The following PLCL1 variants were observed in gnomAD, a reference collection of about 807,000 sequenced individuals.
The protein encoded by PLCL1 is phospholipase C like 1 (inactive), also known as inactive phospholipase C-like protein 1.
In PLCL1, 41 loss-of-function variants were observed where a neutral mutation model predicts 84.4. The ratio of observed to expected loss-of-function variants is 0.49; its 90% CI spans 0.38 to 0.63. PLCL1 has a LOEUF of 0.63. Ranked by LOEUF, PLCL1 falls within the 30% of genes least tolerant of loss-of-function variation. PLCL1 has a pLI of 0.00. For missense variants in PLCL1, 1,206 were observed against 1,367.8 expected (o/e 0.88, Z 1.87); for synonymous variants, 490 against 488.3 (o/e 1.00, Z -0.05).
chr2:197,918,804 G>A (rs1429307026), intron 1 of PLCL1, among the ~76,000 whole-genome samples: 1 of 152,088 alleles, frequency 6.6e-6, no homozygotes, highest in Non-Finnish European at 1.5e-5. Context: ...ACCAGGTGAG[G>A]TAGCATGCAC....
At chr2:197,844,909 T>G (rs1320662038) in intron 1 of PLCL1, among the ~76,000 whole-genome samples, 2 of 152,116 alleles carry the variant, frequency 1.3e-5, no homozygotes, top group African/African-American at 2.4e-5. Flanking sequence ...GATGGTTTAT[T>G]CAGAAGAAGG....
intron 1 of PLCL1, 144 bp from the exon 2 acceptor site, chr2:198,083,614 A>C (rs1692776940): frequency 1.7e-6 from 1 of 574,376 alleles, no homozygotes; most frequent in East Asian, 3.0e-5. Context: ...CTCTTTTCTG[A>C]AACAGTGAAA....
At chr2:197,958,851 T>C (rs1182379813) in intron 1 of PLCL1, among the ~76,000 whole-genome samples, 1 of 152,032 alleles carries the variant, frequency 6.6e-6, no homozygotes, top group Non-Finnish European at 1.5e-5. Flanking sequence ...ATCTAGTAAG[T>C]GGTAGAGTTG....
intron 5 of PLCL1, among the ~76,000 whole-genome samples, chr2:198,108,765 A>T (rs1442399709): frequency 2.0e-5 from 3 of 151,964 alleles, no homozygotes; most frequent in Non-Finnish European, 4.4e-5. Flanking sequence ...TTTTTCTTTA[A>T]TTCATATTCT....
In PLCL1 at chr2:197,864,499, A is replaced by G. The variant is rs1687492425; in HGVS notation, c.240+59160A>G. ...AATAGCATTCTTTTTTTTTTTTTTTAACACAGGATCTCACTTTGTCACCTG... is the reference window on the plus strand; with the variant it reads ...AATAGCATTCTTTTTTTTTTTTTTTGACACAGGATCTCACTTTGTCACCTG... On this transcript the variant is annotated intron_variant, in intron 1 of 5. Coordinates refer to ENST00000428675, the MANE Select transcript of PLCL1 (RefSeq NM_006226.4). 2.7e-5 allele frequency among the ~76,000 whole-genome samples: 4 copies of G among 146,700 alleles called. No homozygotes were observed. In the South Asian group the frequency reaches 8.6e-4, roughly 32 times the overall value.
At chr2:198,055,293 G>GCC in intron 1 of PLCL1, among the ~76,000 whole-genome samples, 1 of 109,498 alleles carries the variant, frequency 9.1e-6, no homozygotes, top group Non-Finnish European at 1.8e-5. Flanking sequence ...GCTGGTCAAA[G>GCC]CCTCTCTCTC....
chr2:197,999,395 T>G (rs550945672), intron 1 of PLCL1, among the ~76,000 whole-genome samples: 1 of 152,322 alleles, frequency 6.6e-6, no homozygotes, highest in African/African-American at 2.4e-5. Context: ...TTAGAACATT[T>G]TTACTACATT....
At chr2:197,868,541 C>G (rs1226213450) in intron 1 of PLCL1, among the ~76,000 whole-genome samples, 4 of 152,060 alleles carry the variant, frequency 2.6e-5, no homozygotes, top group Non-Finnish European at 5.9e-5. Flanking sequence ...TGCTTTCTTA[C>G]CCAGGCTGGA....
At chr2:197,960,990 A>G (rs560650901) in intron 1 of PLCL1, among the ~76,000 whole-genome samples, 2 of 152,190 alleles carry the variant, frequency 1.3e-5, no homozygotes, top group Non-Finnish European at 2.9e-5. Flanking sequence ...AATTTTAGAA[A>G]TGTTCTGGAA....
At chr2:197,958,435 A>G (rs577452893) in intron 1 of PLCL1, among the ~76,000 whole-genome samples, 1 of 152,194 alleles carries the variant, frequency 6.6e-6, no homozygotes, top group East Asian at 1.9e-4. Context: ...GCCGCATTCA[A>G]AGCTGTCCTG....
chr2:197,903,468 A>ATTTTTTTTTTTTTTTTT lies in PLCL1; in HGVS notation c.240+98146_240+98162dup, dbSNP rs3056105. ...GTATCTTCCTTTTTACTCCATTTAA[A>ATTTTTTTTTTTTTTTTT]TTTTTTTTTTTTTTTTTTTTTTTTT... is the stretch of plus-strand genomic sequence containing the variant. On this transcript the variant is annotated intron_variant, in intron 1 of 5. Coordinates refer to ENST00000428675, the MANE Select transcript of PLCL1 (RefSeq NM_006226.4). 3.1e-4 allele frequency among the ~76,000 whole-genome samples: 15 copies of ATTTTTTTTTTTTTTTTT among 47,796 alleles called. 3 individuals carry two copies. Among genetic ancestry groups the ATTTTTTTTTTTTTTTTT allele is most frequent in the East Asian group, 1.7e-3 (2 of 1,212 alleles). 31.4% of individuals were successfully genotyped at this position (47,796 alleles called of 152,430 possible).
rs1057166491 is a variant in PLCL1, at chr2:197,890,712, A to C, written c.240+85373A>C. On this transcript the variant is annotated intron_variant, in intron 1 of 5. Coordinates refer to ENST00000428675, the MANE Select transcript of PLCL1 (RefSeq NM_006226.4). ...TATATATATATATATACACACACAC[A>C]TATACGTATATATGCATATGTACGT... Among the ~76,000 whole-genome samples the C allele has an allele frequency of 6.2e-4, 90 of 145,936 alleles. 1 individual carries two copies. The highest frequency in any genetic ancestry group is 2.1e-3 in the African/African-American group (85 of 39,556).
intron 1 of PLCL1, among the ~76,000 whole-genome samples, chr2:197,903,720 G>T (rs1244919604): frequency 7.3e-6 from 1 of 136,390 alleles, no homozygotes; most frequent in Non-Finnish European, 1.5e-5. Flanking sequence ...AGCCGGGATG[G>T]TCTCGATCTC....
chr2:197,988,654 T>A (rs1483119084), intron 1 of PLCL1, among the ~76,000 whole-genome samples: 1 of 152,224 alleles, frequency 6.6e-6, no homozygotes, highest in African/African-American at 2.4e-5. Context: ...TCCATATCTT[T>A]GCAATTGTGA....
chr2:198,075,483 ATGT>A (rs975767958), intron 1 of PLCL1, among the ~76,000 whole-genome samples: 1 of 152,226 alleles, frequency 6.6e-6, no homozygotes. Context: ...GAAAAGGACC[ATGT>A]TGTTGACTAG....
chr2:198,005,613 C>T (rs957700286), intron 1 of PLCL1, among the ~76,000 whole-genome samples: 1 of 152,236 alleles, frequency 6.6e-6, no homozygotes, highest in Admixed American at 6.5e-5. Flanking sequence ...ATTAAAGACT[C>T]ACCTCAGTGT....
intron 1 of PLCL1, among the ~76,000 whole-genome samples, chr2:198,000,722 G>C (rs1468867319): frequency 6.6e-6 from 1 of 150,426 alleles, no homozygotes; most frequent in African/African-American, 2.4e-5. Flanking sequence ...AGAACAACCT[G>C]CTATCACTTT....
chr2:198,066,560 C>T (rs1692324709), intron 1 of PLCL1, among the ~76,000 whole-genome samples: 1 of 152,186 alleles, frequency 6.6e-6, no homozygotes, highest in African/African-American at 2.4e-5. Flanking sequence ...TAATTTGTAT[C>T]TCCAAATCCA....
intron 4 of PLCL1, among the ~76,000 whole-genome samples, chr2:198,101,601 T>A (rs1449222300): frequency 1.3e-5 from 2 of 152,002 alleles, no homozygotes. Flanking sequence ...TGAAGAAGTC[T>A]AGAGGGATGA....
Sources: allele counts gnomAD v4.1 joint callset (sites outside exome capture counted in the v4.1 genomes callset), GRCh38; gene constraint gnomAD v4.1.1; transcripts MANE v1.5; gene names NCBI Gene and HGNC (gene_info 2026-07-23, HGNC 2026-07-21).